Variants in GPC6 observed in about 807,000 individuals in gnomAD.
The protein encoded by GPC6 is glypican 6.
A neutral mutation model predicts 55.2 loss-of-function variants in GPC6; 14 were observed. That is an observed-to-expected ratio of 0.25 (90% CI 0.17 to 0.40). The LOEUF (loss-of-function observed/expected upper bound fraction) is 0.40. GPC6 is among the 10% of genes least tolerant of loss of function. The pLI is 1.00. For synonymous variants in GPC6, 278 were observed against 259.6 expected, an observed-to-expected ratio of 1.07 and a Z score of -0.68; for missense variants, 641 against 708.5, an observed-to-expected ratio of 0.90 and a Z score of 1.08.
At chr13:94,293,386 T>C (rs1390650360) in intron 5 of GPC6, among the ~76,000 whole-genome samples, 2 of 152,160 alleles carry the variant, frequency 1.3e-5, no homozygotes, top group Non-Finnish European at 2.9e-5. Flanking sequence ...AATGGTTACA[T>C]AAGTGTTTGA....
At chr13:93,893,717 G>T (rs574116356) in intron 3 of GPC6, among the ~76,000 whole-genome samples, 3 of 152,298 alleles carry the variant, frequency 2.0e-5, no homozygotes, top group South Asian at 2.1e-4. Context: ...AAAATCAGAA[G>T]ATCTGAGCTT....
In GPC6 at chr13:94,266,160, T is replaced by TG. The variant is rs1555313271; in HGVS notation, c.878-20189_878-20188insG. On this transcript the variant is annotated intron_variant, in intron 4 of 8. Transcript: ENST00000377047. ...TCTTTACTTTTCTTTTCTTTTTTTT[T>TG]TTTGTTTGTTTGTTTGTTTGTTTTT... Among the ~76,000 whole-genome samples, 64 of 148,188 alleles carry TG rather than the reference T, an allele frequency of 4.3e-4. 1 individual carries two copies. The South Asian group carries it at 5.1e-3, about 12-fold the overall frequency.
intron 2 of GPC6, among the ~76,000 whole-genome samples, chr13:93,579,096 A>C (rs1876810880): frequency 6.6e-6 from 1 of 152,128 alleles, no homozygotes; most frequent in Admixed American, 6.6e-5. Context: ...GAGGCTAGGA[A>C]GGAGAGGAAG....
intron 7 of GPC6, 150 bp downstream of exon 7, chr13:94,382,700 C>T: frequency 9.7e-7 from 1 of 1,033,922 alleles, no homozygotes. Context: ...TTGAGAGTGA[C>T]AGGTTTGATG....
At chr13:94,127,271 T>C (rs566955009) in intron 4 of GPC6, among the ~76,000 whole-genome samples, 2 of 152,250 alleles carry the variant, frequency 1.3e-5, no homozygotes, top group South Asian at 4.1e-4. Context: ...TCCCCAATGC[T>C]GGAGGTGGGG....
chr13:94,213,360 T>C (rs1224897042), intron 4 of GPC6, among the ~76,000 whole-genome samples: 3 of 152,238 alleles, frequency 2.0e-5, no homozygotes, highest in Non-Finnish European at 4.4e-5. Flanking sequence ...AACAGTGTCT[T>C]GTAAAATTTT....
intron 3 of GPC6, among the ~76,000 whole-genome samples, chr13:93,979,867 C>A (rs1483050539): frequency 2.6e-5 from 4 of 151,948 alleles, no homozygotes; most frequent in African/African-American, 9.7e-5. Flanking sequence ...GTTGTATAGA[C>A]CAGACCTTTC....
chr13:94,302,646 G>T (rs1875717168), intron 5 of GPC6, among the ~76,000 whole-genome samples: 1 of 152,160 alleles, frequency 6.6e-6, no homozygotes, highest in African/African-American at 2.4e-5. Flanking sequence ...GTACTCCTTT[G>T]TAAACCATTC....
In GPC6 at chr13:94,221,228, A is replaced by G. The variant is rs1032922677; in HGVS notation, c.878-65121A>G. ...ATGACTTGCCCTGATGAGTGGGATC[A>G]TATAATATTCACCACTTAAATGGTC... On this transcript the variant is annotated intron_variant, in intron 4 of 8. Coordinates refer to ENST00000377047, the MANE Select transcript of GPC6 (RefSeq NM_005708.5). Among the ~76,000 whole-genome samples, 59 of 152,130 alleles carry G rather than the reference A, an allele frequency of 3.9e-4. 2 individuals carry two copies. The highest frequency in any genetic ancestry group is 8.8e-5 in the Non-Finnish European group (6 of 68,010).
chr13:93,235,518 C>T (rs1876204011), intron 1 of GPC6, among the ~76,000 whole-genome samples: 1 of 151,834 alleles, frequency 6.6e-6, no homozygotes, highest in Admixed American at 6.6e-5. Flanking sequence ...GGAAGAAGGA[C>T]AGCTAGGAGA....
intron 1 of GPC6, among the ~76,000 whole-genome samples, chr13:93,375,847 C>G (rs2139197180): frequency 6.6e-6 from 1 of 152,316 alleles, no homozygotes; most frequent in African/African-American, 2.4e-5. Flanking sequence ...TGGTTCTTCC[C>G]TATTTCTAAC....
chr13:94,005,129 T>A lies in GPC6; in HGVS notation c.712-22600T>A, dbSNP rs183252787. On this transcript the variant is annotated intron_variant, in intron 3 of 8. Coordinates refer to ENST00000377047, the MANE Select transcript of GPC6 (RefSeq NM_005708.5). ...TGGACTAATAACTCCTTGAGCCTAATTAGAAAGAAAGAATAAATTGGGATT... is the reference window on the plus strand; with the variant it reads ...TGGACTAATAACTCCTTGAGCCTAAATAGAAAGAAAGAATAAATTGGGATT... Among the ~76,000 whole-genome samples the A allele has an allele frequency of 2.0e-3, 302 of 152,218 alleles. 3 individuals are homozygous for A. The Middle Eastern group carries it at 0.031, about 15-fold the overall frequency.
At chr13:93,322,078 A>G (rs894341724) in intron 1 of GPC6, among the ~76,000 whole-genome samples, 7 of 152,166 alleles carry the variant, frequency 4.6e-5, no homozygotes, top group Non-Finnish European at 1.0e-4. Flanking sequence ...CATAAAATAC[A>G]TGCCCCAAAT....
intron 2 of GPC6, among the ~76,000 whole-genome samples, chr13:93,731,433 G>T (rs1215844678): frequency 6.6e-6 from 1 of 152,128 alleles, no homozygotes; most frequent in African/African-American, 2.4e-5. Flanking sequence ...AAGGACGGTT[G>T]TCATGGAACA....
chr13:94,372,723 A>C (rs1879626511), intron 6 of GPC6, among the ~76,000 whole-genome samples: 1 of 152,210 alleles, frequency 6.6e-6, no homozygotes, highest in Non-Finnish European at 1.5e-5. Context: ...CAGCTCAAGG[A>C]GGCCTGCCTG....
intron 1 of GPC6, among the ~76,000 whole-genome samples, chr13:93,394,197 A>G (rs943003641): frequency 6.6e-6 from 1 of 152,170 alleles, no homozygotes; most frequent in Admixed American, 6.5e-5. Context: ...TTGTATTCTA[A>G]TAGCATTTTA....
chr13:94,108,756 C>T (rs983302064), intron 4 of GPC6, among the ~76,000 whole-genome samples: 2 of 151,662 alleles, frequency 1.3e-5, no homozygotes, highest in Admixed American at 6.6e-5. Flanking sequence ...ACAGAAGAAT[C>T]ACTCGAACCT....
intron 2 of GPC6, among the ~76,000 whole-genome samples, chr13:93,685,033 T>TG (rs1456297709): frequency 6.6e-6 from 1 of 152,230 alleles, no homozygotes; most frequent in Non-Finnish European, 1.5e-5. Context: ...GCTTTGAAAT[T>TG]GACTTAATAT....
At chr13:93,795,737 A>T (rs1483030445) in intron 2 of GPC6, among the ~76,000 whole-genome samples, 1 of 152,190 alleles carries the variant, frequency 6.6e-6, no homozygotes, top group Non-Finnish European at 1.5e-5. Flanking sequence ...GGTATCATTC[A>T]TCTTAATTGG....
Sources: gnomAD v4.1 joint callset for allele counts (sites outside exome capture counted in the v4.1 genomes callset) on GRCh38, gnomAD v4.1.1 for gene constraint, MANE v1.5 for transcripts, NCBI Gene and HGNC (gene_info 2026-07-23, HGNC 2026-07-21) for gene names.